Variants in USH2A observed in about 807,000 individuals in gnomAD.
The protein encoded by USH2A is usherin.
In USH2A, 443 loss-of-function variants were observed where a neutral mutation model predicts 538.9. The observed-to-expected ratio is 0.82, with a 90% CI of 0.76 to 0.89. The LOEUF (loss-of-function observed/expected upper bound fraction) is 0.89, where lower values mean the gene tolerates loss of function less well. Ranked by LOEUF, USH2A falls within the 40% of genes least tolerant of loss-of-function variation. The probability of loss-of-function intolerance (pLI) is 0.00; values close to 1 mark genes in which losing one functional copy is unlikely to be tolerated. For missense variants in USH2A, 6,633 were observed against 6,324.8 expected, an observed-to-expected ratio of 1.05 and a Z score of -1.65; for synonymous variants, 2,413 against 2,273.5, an observed-to-expected ratio of 1.06 and a Z score of -1.75.
chr1:216,320,529 G>A (rs2037585798), intron 9 of USH2A, among the ~76,000 whole-genome samples: 1 of 152,034 alleles, frequency 6.6e-6, no homozygotes, highest in Non-Finnish European at 1.5e-5. Flanking sequence ...TAGTAGAGGT[G>A]GACAAATTTT....
intron 21 of USH2A, among the ~76,000 whole-genome samples, chr1:216,155,186 A>G (rs2033913445): frequency 6.6e-6 from 1 of 152,168 alleles, no homozygotes; most frequent in Admixed American, 6.5e-5. Context: ...AAAGATGATC[A>G]TAGATGATCA....
chr1:216,356,206 C>T (rs750173829), intron 4 of USH2A, among the ~76,000 whole-genome samples: 5 of 151,972 alleles, frequency 3.3e-5, no homozygotes, highest in Admixed American at 6.6e-5. Context: ...GTCCAATGAA[C>T]GCTTGTGTTT....
chr1:216,156,295 C>CTTTTTTTTTTTTTTTTTTTTTT lies in USH2A; in HGVS notation c.4627+18956_4627+18957insAAAAAAAAAAAAAAAAAAAAAA, dbSNP rs35698520. Among the ~76,000 whole-genome samples the CTTTTTTTTTTTTTTTTTTTTTT allele has an allele frequency of 8.4e-4, 89 of 105,508 alleles. 2 individuals are homozygous for CTTTTTTTTTTTTTTTTTTTTTT. Among genetic ancestry groups the CTTTTTTTTTTTTTTTTTTTTTT allele is most frequent in the Non-Finnish European group, 1.1e-3 (58 of 53,360 alleles). The allele number at this position is 105,508 out of a possible 152,430, so 69.2% of individuals were successfully genotyped here. A position where few individuals can be genotyped will look rare whatever the true frequency, so the allele number is the denominator to read the frequency against. On this transcript the variant is annotated intron_variant, in intron 21 of 71. Transcript: ENST00000307340. ...TTCTTTCTTTCTTTCTTTTTTTTTTCTTTTTTTTTTTTTTTTTGGCCTAGC... is the reference window on the plus strand; with the variant it reads ...TTCTTTCTTTCTTTCTTTTTTTTTTCTTTTTTTTTTTTTTTTTTTTTTTTTTTTTTTTTTTTTTTGGCCTAGC...
At chr1:216,106,237 ATT>A (rs953472216) in intron 21 of USH2A, among the ~76,000 whole-genome samples, 46 of 147,438 alleles carry the variant, frequency 3.1e-4, no homozygotes, top group African/African-American at 1.1e-3. Context: ...TTAAATATAT[ATT>A]GTATATATAT....
chr1:216,418,536 T>G lies in USH2A; in HGVS notation c.629A>C (p.Lys210Thr). The change falls in exon 3 of 72, where the codon AAA (lysine) becomes ACA (threonine). Residue 210 changes from lysine (K) to threonine (T), a missense_variant. Transcript: ENST00000307340. The stretch of plus-strand genomic sequence containing the variant: ...CACCTGCACACTAAGATGAATCCAT[T>G]TCTTCACAAGAATTCTCCCCAGTGT... ...VMTLGRILVK[K>T]WIHLSVQVHQ... The G allele has an allele frequency of 6.2e-7, 1 of 1,613,218 alleles. No homozygotes were observed. The highest frequency in any genetic ancestry group is 8.5e-7 in the Non-Finnish European group (1 of 1,179,506).
chr1:216,049,625 A>C (rs2030671030), intron 30 of USH2A, among the ~76,000 whole-genome samples: 1 of 152,172 alleles, frequency 6.6e-6, no homozygotes, highest in Non-Finnish European at 1.5e-5. Flanking sequence ...CAGAGAATAC[A>C]TTATTGCTTT....
chr1:215,769,790 T>C (rs762758744), intron 55 of USH2A, among the ~76,000 whole-genome samples: 18 of 152,146 alleles, frequency 1.2e-4, no homozygotes, highest in Non-Finnish European at 2.6e-4. Context: ...TCAAACATAT[T>C]ATCAAATCAA....
At chr1:216,336,962 A>G (rs1265656944) in intron 4 of USH2A, among the ~76,000 whole-genome samples, 1 of 151,488 alleles carries the variant, frequency 6.6e-6, no homozygotes, top group African/African-American at 2.4e-5. Flanking sequence ...TGATGAATTG[A>G]TTCAGATTTC....
In USH2A at chr1:216,011,835, C is replaced by T. The variant is rs4020000; in HGVS notation, c.6326-11273G>A. On this transcript the variant is annotated intron_variant, in intron 32 of 71. Coordinates refer to ENST00000307340, the MANE Select transcript of USH2A (RefSeq NM_206933.4). ...CCCACAATTACCATTGTTCCTGGCCCGGACTTCAATCCAGCCTCCCACATT... is the reference window on the plus strand; with the variant it reads ...CCCACAATTACCATTGTTCCTGGCCTGGACTTCAATCCAGCCTCCCACATT... Among the ~76,000 whole-genome samples, 563 of 152,122 alleles carry T rather than the reference C, an allele frequency of 3.7e-3. 4 individuals carry two copies. Among genetic ancestry groups the T allele is most frequent in the African/African-American group, 0.013 (541 of 41,474 alleles).
intron 63 of USH2A, among the ~76,000 whole-genome samples, chr1:215,671,944 C>T (rs1018037719): frequency 2.0e-5 from 3 of 152,138 alleles, no homozygotes; most frequent in African/African-American, 7.2e-5. Flanking sequence ...TTAAAACAGC[C>T]TCCCTTACAT....
intron 44 of USH2A, among the ~76,000 whole-genome samples, chr1:215,856,860 T>C (rs1428688199): frequency 3.3e-5 from 5 of 151,626 alleles, no homozygotes; most frequent in Non-Finnish European, 5.9e-5. Flanking sequence ...TGTGTGTGTG[T>C]GTGTGTGTGT....
intron 21 of USH2A, among the ~76,000 whole-genome samples, chr1:216,104,962 A>C (rs954462441): frequency 6.6e-6 from 1 of 152,200 alleles, no homozygotes; most frequent in African/African-American, 2.4e-5. Flanking sequence ...CAAATTTACA[A>C]GAAAGAAACA....
intron 13 of USH2A, among the ~76,000 whole-genome samples, chr1:216,234,897 C>T (rs1355737697): frequency 3.9e-5 from 6 of 151,964 alleles, no homozygotes; most frequent in Admixed American, 1.3e-4. Flanking sequence ...GATGCTAAAG[C>T]ACCTAGGGAG....
chr1:216,304,461 T>C (rs1422986365), intron 9 of USH2A, among the ~76,000 whole-genome samples: 1 of 151,128 alleles, frequency 6.6e-6, no homozygotes, highest in Non-Finnish European at 1.5e-5. Context: ...CACTAATTTC[T>C]TTTTTTTTCA....
Position 216,175,396 on chromosome 1 carries a change from C to T in USH2A, c.4483G>A (p.Gly1495Arg). The change falls in exon 21 of 72, where the codon GGA becomes AGA. Residue 1495 changes from glycine to arginine, a missense_variant. Physicochemically the swap from Gly to Arg is moderately radical, Grantham distance 125. Coordinates refer to ENST00000307340, the MANE Select transcript of USH2A (RefSeq NM_206933.4). The stretch of plus-strand genomic sequence containing the variant: ...TCCAGCTGATATATAGGAGAGGGTC[C>T]ATTCAGTTCTTCAGGTGGAAACCAC... ...LRWFPPEELNGPSPIYQLERR... is the reference protein window; with the variant it reads ...LRWFPPEELNRPSPIYQLERR... 1 of 1,613,684 alleles carries T rather than the reference C, an allele frequency of 6.2e-7. No homozygotes were observed. The highest frequency in any genetic ancestry group is 8.5e-7 in the Non-Finnish European group (1 of 1,179,850).
intron 41 of USH2A, among the ~76,000 whole-genome samples, chr1:215,884,771 A>G (rs1280905738): frequency 6.6e-6 from 1 of 152,208 alleles, no homozygotes; most frequent in East Asian, 1.9e-4. Flanking sequence ...AAACCCATAA[A>G]TGAGTGACCC....
At position 215,974,089 on chromosome 1, in the gene USH2A, C is replaced by G. The variant is rs75762124; in HGVS notation, c.6806-3313G>C. On this transcript the variant is annotated intron_variant, in intron 35 of 71. Transcript: ENST00000307340. ...CTAGTATTATATTGATACACACACA[C>G]ACATCATATTAAGCTGATTTCAATA... Among the ~76,000 whole-genome samples, 1,505 of 152,086 alleles carry G rather than the reference C, an allele frequency of 9.9e-3. 21 individuals carry two copies. Among genetic ancestry groups the G allele is most frequent in the African/African-American group, 0.034 (1,397 of 41,482 alleles).
At chr1:216,092,227 G>A (rs923500641) in intron 22 of USH2A, among the ~76,000 whole-genome samples, 3 of 152,100 alleles carry the variant, frequency 2.0e-5, no homozygotes, top group Non-Finnish European at 4.4e-5. Flanking sequence ...ATGTTCCAAA[G>A]ACTGTTCTAA....
At position 216,078,165 on chromosome 1, in the gene USH2A, C is replaced by A; in HGVS notation, c.5496G>T (p.Val1832=). Residue 1832 remains valine, a synonymous_variant, in exon 27 of 72, where the codon GTG becomes GTT. Coordinates refer to ENST00000307340, the MANE Select transcript of USH2A (RefSeq NM_206933.4). ...CTCCCACATAAACTGGTGAATTCAC[C>A]ACCAGTGGCTGGTCTCCGGACTCCG... is the stretch of plus-strand genomic sequence containing the variant. ...HASESGDQPL[V]VNSPVYVGGI... The A allele has an allele frequency of 6.2e-7, 1 of 1,613,698 alleles. No homozygotes were observed. The highest frequency in any genetic ancestry group is 8.5e-7 in the Non-Finnish European group (1 of 1,179,760).
Sources: gnomAD v4.1 joint callset for allele counts (sites outside exome capture counted in the v4.1 genomes callset) on GRCh38, gnomAD v4.1.1 for gene constraint, MANE v1.5 for transcripts, NCBI Gene and HGNC (gene_info 2026-07-23, HGNC 2026-07-21) for gene names.